The following TADA3 variants were observed in gnomAD, a reference collection of about 807,000 sequenced individuals.
The protein encoded by TADA3 is transcriptional adaptor 3.
TADA3 carries 25 observed loss-of-function variants against 43.2 expected under a neutral mutation model. The observed-to-expected ratio is 0.58, with a 90% CI of 0.42 to 0.81. The LOEUF (loss-of-function observed/expected upper bound fraction) is 0.81, where lower values mean the gene tolerates loss of function less well. Ranked by LOEUF, TADA3 falls within the 30% of genes least tolerant of loss-of-function variation. The pLI, the probability that TADA3 is intolerant of heterozygous loss-of-function variation, is 0.00. For missense variants in TADA3, 441 were observed against 567.8 expected, an observed-to-expected ratio of 0.78 and a Z score of 2.27; for synonymous variants, 235 against 225.5, an observed-to-expected ratio of 1.04 and a Z score of -0.38.
In TADA3 at chr3:9,784,036, G is replaced by C. The variant is rs1181898388; in HGVS notation, c.1098C>G (p.Asp366Glu). Reference protein sequence around the residue: ...LSAHNRTKKHDLLRLAKEEVS... With the variant: ...LSAHNRTKKHELLRLAKEEVS... ...ATCCTGCTAACGCTCACCTCAGCAG[G>C]TCGTGCTTCTTGGTGCGGTTGTGGG... Residue 366 changes from aspartate to glutamate, a missense_variant, in exon 8 of 9, where the codon GAC (aspartate) becomes GAG (glutamate). Coordinates refer to ENST00000301964, the MANE Select transcript of TADA3 (RefSeq NM_006354.5). 5 of 1,613,904 alleles carry C rather than the reference G, an allele frequency of 3.1e-6. No individual in the cohort carries two copies. Among genetic ancestry groups the C allele is most frequent in the Non-Finnish European group, 4.2e-6 (5 of 1,179,852 alleles).
At chr3:9,781,230 G>A (rs776477172) in intron 8 of TADA3, among the ~76,000 whole-genome samples, 1 of 152,024 alleles carries the variant, frequency 6.6e-6, no homozygotes, top group Non-Finnish European at 1.5e-5. Flanking sequence ...AAGATCACTT[G>A]AAGCCAGGAG....
intron 2 of TADA3, 100 bp from the exon 3 acceptor site, chr3:9,790,063 C>G: frequency 7.1e-7 from 1 of 1,400,110 alleles, no homozygotes; most frequent in Admixed American, 2.9e-5. Flanking sequence ...ACAGAGGCTC[C>G]TGGGTCTTTC....
intron 5 of TADA3, 27 bp from the exon 6 acceptor site, chr3:9,787,136 G>C (rs769242124): frequency 1.2e-6 from 2 of 1,614,176 alleles, no homozygotes; most frequent in South Asian, 2.2e-5. Context: ...AAGGAGGGGA[G>C]GTGGGCTGAA....
At chr3:9,786,982 C>T in intron 6 of TADA3, 24 bp downstream of exon 6, 1 of 1,587,942 alleles carries the variant, frequency 6.3e-7, no homozygotes, top group Non-Finnish European at 8.6e-7. Context: ...AAATATGGTT[C>T]CTCTTTTGGG....
Position 9,786,228 on chromosome 3 carries a change from C to T in TADA3, c.810+778G>A, listed in dbSNP as rs148319675. On this transcript the variant is annotated intron_variant, in intron 6 of 8. Transcript: ENST00000301964. ...TGCTGGGATTACAGGCGTGAGCCAC[C>T]GCGCCCGGCCTCCTTGCTCTTATTC... is the stretch of plus-strand genomic sequence containing the variant. 9.3e-3 allele frequency among the ~76,000 whole-genome samples: 1,415 copies of T among 152,252 alleles called. 21 individuals are homozygous for T. Among genetic ancestry groups the T allele is most frequent in the African/African-American group, 0.032 (1,350 of 41,540 alleles).
intron 2 of TADA3, 139 bp downstream of exon 2, chr3:9,791,121 G>T: frequency 2.7e-6 from 2 of 747,666 alleles, no homozygotes; most frequent in Non-Finnish European, 4.3e-6. Context: ...TTTGTGTCAT[G>T]CAAACCCAGT....
chr3:9,780,388 C>T lies in TADA3; in HGVS notation c.1268G>A (p.Arg423His). The T allele has an allele frequency of 1.9e-6, 3 of 1,613,494 alleles. No homozygotes were observed. The highest frequency in any genetic ancestry group is 1.1e-5 in the South Asian group (1 of 91,048). ...ATCCAGCAGCTTCAGGATGCTCTCA[C>T]GCTCCTTCAGAGTCTTCCAGGCCTG... Reference protein sequence around the residue: ...KDQAWKTLKERESILKLLDG With the variant: ...KDQAWKTLKEHESILKLLDG Residue 423 changes from arginine to histidine, a missense_variant, in exon 9 of 9, where the codon CGT (arginine) becomes CAT (histidine). Coordinates refer to ENST00000301964, the MANE Select transcript of TADA3 (RefSeq NM_006354.5).
rs1292714660 is a variant in TADA3 at position 9,780,134 on chromosome 3, G to A, written c.*223C>T. Reference sequence around the variant, plus strand: ...CGAAGTCCCCTCCAACCCCATCTCGGGGACCAAGCAGAGACTAGGCCTCAG... The same window carrying A: ...CGAAGTCCCCTCCAACCCCATCTCGAGGACCAAGCAGAGACTAGGCCTCAG... On this transcript the variant is annotated 3_prime_UTR_variant, in exon 9 of 9. Transcript: ENST00000301964. 2.2e-6 allele frequency: 1 copy of A among 449,068 alleles called. No individual in the cohort carries two copies. The highest frequency in any genetic ancestry group is 3.4e-5 in the East Asian group (1 of 29,290). The allele number at this position is 449,068 out of a possible 1,614,324, so 27.8% of individuals were successfully genotyped here. A position where few individuals can be genotyped will look rare whatever the true frequency, so the allele number is the denominator to read the frequency against.
In TADA3 at chr3:9,785,356, C is replaced by T; in HGVS notation, c.880G>A (p.Gly294Arg). The T allele has an allele frequency of 1.9e-6, 3 of 1,614,052 alleles. No individual in the cohort carries two copies. The highest frequency in any genetic ancestry group is 1.1e-5 in the South Asian group (1 of 91,044). Residue 294 changes from glycine (G) to arginine (R), a missense_variant, in exon 7 of 9, where the codon GGG (glycine) becomes AGG (arginine). Transcript: ENST00000301964. ...DMSGKESGAD[G>R]ASTSPRNQNK... Reference sequence around the variant, plus strand: ...TGATTGCGAGGGGAGGTGCTTGCCCCGTCAGCCCCTGATTCTTTCCCAGAC... The same window carrying T: ...TGATTGCGAGGGGAGGTGCTTGCCCTGTCAGCCCCTGATTCTTTCCCAGAC...
chr3:9,784,151 A>G lies in TADA3; in HGVS notation c.983T>C (p.Leu328Ser), dbSNP rs770923191. The change falls in exon 8 of 9, where the codon TTG (leucine) becomes TCG (serine). Residue 328 changes from leucine (L) to serine (S), a missense_variant. Transcript: ENST00000301964. ...CTCTGCGGGGCGGTCCTCAGACTCC[A>G]AAAGGCCCTGGGCAATTAGCTCCTC... ...IKEELIAQGL[L>S]ESEDRPAEDS... is the part of the protein sequence containing the mutation. 1.9e-6 allele frequency: 3 copies of G among 1,614,126 alleles called. No homozygotes were observed. The highest frequency in any genetic ancestry group is 8.5e-7 in the Non-Finnish European group (1 of 1,179,974).
In TADA3 at chr3:9,784,025, C is replaced by CACCTCAGCA; in HGVS notation, c.1100_1106+2dup. 1 of 1,612,896 alleles carries CACCTCAGCA rather than the reference C, an allele frequency of 6.2e-7. No individual in the cohort carries two copies. Among genetic ancestry groups the CACCTCAGCA allele is most frequent in the Non-Finnish European group, 8.5e-7 (1 of 1,179,074 alleles). ...CGGGACTGTGCATCCTGCTAACGCT[C>CACCTCAGCA]ACCTCAGCAGGTCGTGCTTCTTGGT... On this transcript the variant is annotated splice_region_variant and intron_variant, in intron 8 of 8. Transcript: ENST00000301964.
chr3:9,789,490 C>T lies in TADA3; in HGVS notation c.564+19G>A, dbSNP rs1200773503. The T allele has an allele frequency of 6.2e-7, 1 of 1,607,712 alleles. No individual in the cohort carries two copies. Among genetic ancestry groups the T allele is most frequent in the South Asian group, 1.1e-5 (1 of 90,700 alleles). ...CTCTCTTGTTCCGCATCATGTCTAT[C>T]AAGGCCCAGAGTTTCTACCTTGTAA... On this transcript the variant is annotated intron_variant, in intron 4 of 8. Coordinates refer to ENST00000301964, the MANE Select transcript of TADA3 (RefSeq NM_006354.5).
intron 7 of TADA3, 128 bp downstream of exon 7, chr3:9,785,188 G>T: frequency 1.5e-6 from 1 of 649,730 alleles, no homozygotes; most frequent in Non-Finnish European, 2.7e-6. Context: ...ACTCACACTT[G>T]AGACTGCTAT....
At chr3:9,792,958 C>G (rs1203751892), upstream of TADA3, 4 of 1,411,212 alleles carry the variant, frequency 2.8e-6, no homozygotes, top group African/African-American at 4.5e-5. Context: ...GGAAAACTTC[C>G]GGAAGGCCCA....
At position 9,787,187 on chromosome 3, in the gene TADA3, T is replaced by C. The variant is rs952962350; in HGVS notation, c.706+12A>G. 4 of 1,613,958 alleles carry C rather than the reference T, an allele frequency of 2.5e-6. No homozygotes were observed. The highest frequency in any genetic ancestry group is 3.4e-6 in the Non-Finnish European group (4 of 1,179,996). ...TCCTGACCTGGGGTTGGCAGGGAGG[T>C]GAGAGGCCTACCTTTAGTGTCCAGT... On this transcript the variant is annotated intron_variant, in intron 5 of 8. Coordinates refer to ENST00000301964, the MANE Select transcript of TADA3 (RefSeq NM_006354.5).
chr3:9,782,082 C>G (rs1483195460), intron 8 of TADA3, among the ~76,000 whole-genome samples: 1 of 152,104 alleles, frequency 6.6e-6, no homozygotes, highest in Non-Finnish European at 1.5e-5. Flanking sequence ...AAACAAGCCT[C>G]CCACCTCAGT....
At position 9,787,093 on chromosome 3, in the gene TADA3, C is replaced by CA; in HGVS notation, c.722dup (p.Lys242GlufsTer4). ...GTTCATGCTGGGCCTCAGACTTCTT[C>CA]AGCAGGGCATCCACATCTAAGCGGG... On this transcript the variant is annotated frameshift_variant, in exon 6 of 9. Transcript: ENST00000301964. LOFTEE classifies it high-confidence loss of function. The CA allele has an allele frequency of 6.2e-7, 1 of 1,614,220 alleles. No individual in the cohort carries two copies. The highest frequency in any genetic ancestry group is 8.5e-7 in the Non-Finnish European group (1 of 1,180,044).
chr3:9,786,872 T>C, intron 6 of TADA3, 134 bp downstream of exon 6: 1 of 733,412 alleles, frequency 1.4e-6, no homozygotes, highest in South Asian at 1.8e-5. Flanking sequence ...TATATATTAG[T>C]CCAGGTTTTT....
At chr3:9,788,644 A>AT (rs1440967717) in intron 4 of TADA3, among the ~76,000 whole-genome samples, 1 of 150,670 alleles carries the variant, frequency 6.6e-6, no homozygotes, top group Non-Finnish European at 1.5e-5. Flanking sequence ...AGTTCAGGTG[A>AT]TTTTCCTGGC....
Sources: allele counts gnomAD v4.1 joint callset (sites outside exome capture counted in the v4.1 genomes callset), GRCh38; gene constraint gnomAD v4.1.1; transcripts MANE v1.5; gene names NCBI Gene and HGNC (gene_info 2026-07-23, HGNC 2026-07-21).